The following KDM6A variants were observed in gnomAD, a reference collection of about 807,000 sequenced individuals.
KDM6A encodes lysine demethylase 6A.
In KDM6A, 11 loss-of-function variants were observed where a neutral mutation model predicts 117.6. The observed-to-expected ratio is 0.09, with a 90% CI of 0.06 to 0.15. The LOEUF is 0.15. Ranked by LOEUF, KDM6A falls within the 10% of genes least tolerant of loss-of-function variation. KDM6A has a pLI of 1.00. For missense variants in KDM6A, 799 were observed against 1,077.3 expected (o/e 0.74, Z 3.62); for synonymous variants, 384 against 396.1 (o/e 0.97, Z 0.36).
chrX:45,012,734 G>A (rs2041821589), intron 5 of KDM6A, among the ~76,000 whole-genome samples: 2 of 111,499 alleles, frequency 1.8e-5, no homozygotes, highest in Non-Finnish European at 3.8e-5. Flanking sequence ...ATACATGGAT[G>A]GTTTTTCCTA....
At chrX:44,874,672 G>T (rs2031287988) in intron 2 of KDM6A, among the ~76,000 whole-genome samples, 1 of 109,192 alleles carries the variant, frequency 9.2e-6, no homozygotes, top group African/African-American at 3.4e-5. Flanking sequence ...AGGATTCGGG[G>T]TGTAGTCTTT....
At chrX:44,873,808 C>T in intron 1 of KDM6A, 96 bp downstream of exon 1, 2 of 1,133,321 alleles carry the variant, frequency 1.8e-6, no homozygotes, top group Non-Finnish European at 2.4e-6. Context: ...GGCGGCGGGG[C>T]GGGCACCTCG....
chrX:44,895,192 G>A (rs886467910), intron 2 of KDM6A, among the ~76,000 whole-genome samples: 9 of 108,441 alleles, frequency 8.3e-5, no homozygotes, highest in African/African-American at 2.7e-4. Flanking sequence ...TGCAAACTCC[G>A]CCTCCTGGGT....
intron 27 of KDM6A, among the ~76,000 whole-genome samples, chrX:45,100,164 C>CA (rs1280504662): frequency 8.9e-6 from 1 of 111,999 alleles, no homozygotes; most frequent in Non-Finnish European, 1.9e-5. Context: ...TCATAAGACT[C>CA]ATACATTCCT....
chrX:44,931,245 T>G (rs2036608065), intron 2 of KDM6A, among the ~76,000 whole-genome samples: 1 of 110,754 alleles, frequency 9.0e-6, no homozygotes, highest in Non-Finnish European at 1.9e-5. Context: ...TTTGTATCTT[T>G]TTTTAGTAGA....
At chrX:44,911,350 C>T (rs1357582068) in intron 2 of KDM6A, among the ~76,000 whole-genome samples, 8 of 103,824 alleles carry the variant, frequency 7.7e-5, no homozygotes, top group Admixed American at 4.1e-4. Flanking sequence ...ACTTCTCAGA[C>T]GGGGTGGCCG....
At chrX:45,020,519 AT>A in intron 5 of KDM6A, 90 bp from the exon 6 acceptor site, 1 of 925,152 alleles carries the variant, frequency 1.1e-6, no homozygotes, top group Non-Finnish European at 1.5e-6. Flanking sequence ...TTAAAACAAT[AT>A]TGCATAAAAC....
At chrX:45,067,572 A>G (rs2044582897) in intron 17 of KDM6A, among the ~76,000 whole-genome samples, 2 of 109,451 alleles carry the variant, frequency 1.8e-5, no homozygotes, top group Non-Finnish European at 3.8e-5. Context: ...TTCCTTTATT[A>G]TGATTGAACT....
intron 4 of KDM6A, among the ~76,000 whole-genome samples, chrX:44,993,316 GA>G (rs1477084277): frequency 9.0e-6 from 1 of 110,898 alleles, no homozygotes; most frequent in East Asian, 2.8e-4. Flanking sequence ...CTTTATGTGT[GA>G]AAAAAAGAAT....
intron 7 of KDM6A, 74 bp from the exon 8 acceptor site, chrX:45,037,581 G>A: frequency 2.5e-6 from 2 of 797,693 alleles, no homozygotes; most frequent in Non-Finnish European, 3.9e-6. Flanking sequence ...TTGATGCTTT[G>A]TTATTCTTAC....
intron 23 of KDM6A, among the ~76,000 whole-genome samples, chrX:45,083,202 A>C (rs1408411464): frequency 8.9e-6 from 1 of 111,745 alleles, no homozygotes; most frequent in African/African-American, 3.3e-5. Context: ...AGTTACGTGA[A>C]AATGTATTTA....
At chrX:45,020,155 G>C (rs955481998) in intron 5 of KDM6A, among the ~76,000 whole-genome samples, 2 of 111,687 alleles carry the variant, frequency 1.8e-5, no homozygotes, top group Non-Finnish European at 3.8e-5. Context: ...CAGATGGTTT[G>C]TAAGCCTAAA....
At chrX:44,922,821 A>G (rs1422688339) in intron 2 of KDM6A, among the ~76,000 whole-genome samples, 1 of 112,825 alleles carries the variant, frequency 8.9e-6, no homozygotes, top group African/African-American at 3.2e-5. Flanking sequence ...AATGTATTTT[A>G]TATACTATTT....
rs754901321 is a variant in KDM6A at position 44,935,107 on chromosome X, C to A, written c.226-26177C>A. ...GGCCTTTTCTGGGATTATGCACAAT[C>A]CTAGAAAGCCAGGTCTTTCATTTAA... On this transcript the variant is annotated intron_variant, in intron 2 of 29. Transcript: ENST00000611820. 1.2e-4 allele frequency among the ~76,000 whole-genome samples: 13 copies of A among 111,264 alleles called. No individual in the cohort carries two copies. The South Asian group carries it at 4.9e-3, about 42-fold the overall frequency.
At chrX:44,992,783 T>C (rs867815591) in intron 4 of KDM6A, among the ~76,000 whole-genome samples, 1 of 110,173 alleles carries the variant, frequency 9.1e-6, no homozygotes, top group Admixed American at 9.7e-5. Context: ...CCTGACCATG[T>C]GATCCACCCA....
At chrX:44,997,345 C>T (rs1227636363) in intron 4 of KDM6A, among the ~76,000 whole-genome samples, 3 of 111,915 alleles carry the variant, frequency 2.7e-5, no homozygotes, top group Admixed American at 9.4e-5. Flanking sequence ...AGCTCTCCTC[C>T]GACTGCGCTG....
At chrX:44,907,751 A>ATT (rs67971573) in intron 2 of KDM6A, among the ~76,000 whole-genome samples, 2,005 of 70,505 alleles carry the variant, frequency 0.028, 104 homozygotes, top group African/African-American at 0.1. Flanking sequence ...TCTGGCCTCC[A>ATT]TTTTTTTTTT....
chrX:45,040,052 G>A (rs769139591), intron 8 of KDM6A, among the ~76,000 whole-genome samples: 1,119 of 46,659 alleles, frequency 0.024, 66 homozygotes, highest in African/African-American at 0.098. Context: ...GGTCGTGGCC[G>A]GGCAGAGGGG....
At chrX:44,942,490 A>T (rs1057037949) in intron 2 of KDM6A, among the ~76,000 whole-genome samples, 23 of 110,701 alleles carry the variant, frequency 2.1e-4, no homozygotes, top group African/African-American at 7.2e-4. Context: ...CACGAATACC[A>T]TACCGCCTTG....
Sources: gnomAD v4.1 joint callset for allele counts (sites outside exome capture counted in the v4.1 genomes callset) on GRCh38, gnomAD v4.1.1 for gene constraint, MANE v1.5 for transcripts, NCBI Gene and HGNC (gene_info 2026-07-23, HGNC 2026-07-21) for gene names.